KATNA1: variants seen among roughly 807,000 people sequenced by gnomAD.
KATNA1 encodes the protein katanin catalytic subunit A1.
KATNA1 carries 42 observed loss-of-function variants against 62.6 expected under a neutral mutation model. The ratio of observed to expected loss-of-function variants is 0.67; its 90% CI spans 0.52 to 0.87. The LOEUF is 0.87. Among genes scored for constraint, KATNA1 ranks in the 40% least tolerant of loss-of-function variants. The pLI is 0.00. For synonymous variants in KATNA1, 186 were observed against 201.9 expected (o/e 0.92, Z 0.67); for missense variants, 498 against 612.5 (o/e 0.81, Z 1.97).
intron 6 of KATNA1, among the ~76,000 whole-genome samples, chr6:149,602,368 AAAAC>A (rs937483574): frequency 2.5e-4 from 38 of 152,318 alleles, no homozygotes; most frequent in Middle Eastern, 3.4e-3. Context: ...ATCTCAAAAC[AAAAC>A]AAACAAAATA....
rs575769638 is a variant in KATNA1, at chr6:149,627,301, G to C, written c.321-4018C>G. Among the ~76,000 whole-genome samples, 22 of 151,916 alleles carry C rather than the reference G, an allele frequency of 1.4e-4. No individual in the cohort carries two copies. The East Asian group carries it at 3.1e-3, about 21-fold the overall frequency. ...CCCAGTACTTTGGGAGGCCAAGGCA[G>C]GTGGATCACTTGAGGTCAGGAGTTC... is the stretch of plus-strand genomic sequence containing the variant. On this transcript the variant is annotated intron_variant, in intron 3 of 10. Transcript: ENST00000367411.
rs1240088720 is a variant in KATNA1, at chr6:149,615,207, AT to A, written c.501+7895del. On this transcript the variant is annotated intron_variant, in intron 4 of 10. Coordinates refer to ENST00000367411, the MANE Select transcript of KATNA1 (RefSeq NM_007044.4). ...TGTAGAAAATTATTTTTTTGTTTTGATTTTTTTTTTTTTTGAGATGGAGTTT... is the reference window on the plus strand; with the variant it reads ...TGTAGAAAATTATTTTTTTGTTTTGATTTTTTTTTTTTTGAGATGGAGTTT... 5.6e-3 allele frequency among the ~76,000 whole-genome samples: 732 copies of A among 131,828 alleles called. 7 individuals are homozygous for A. The highest frequency in any genetic ancestry group is 0.015 in the African/African-American group (557 of 36,326). The allele number at this position is 131,828 out of a possible 152,430, so 86.5% of individuals were successfully genotyped here.
chr6:149,645,310 G>A (rs945849077), intron 1 of KATNA1, among the ~76,000 whole-genome samples: 2 of 152,096 alleles, frequency 1.3e-5, no homozygotes, highest in East Asian at 3.8e-4. Context: ...GGGCGTGGTG[G>A]CCAGCGCCTG....
rs144166984 is a variant in KATNA1 at position 149,638,473 on chromosome 6, C to T, written c.75G>A (p.Ala25=). 1.1e-5 allele frequency: 17 copies of T among 1,613,252 alleles called. No individual in the cohort carries two copies. Among genetic ancestry groups the T allele is most frequent in the East Asian group, 6.7e-5 (3 of 44,880 alleles). The change falls in exon 2 of 11, where the codon GCG becomes GCA. Residue 25 remains alanine (A), a synonymous_variant. Coordinates refer to ENST00000367411, the MANE Select transcript of KATNA1 (RefSeq NM_007044.4). The part of the protein sequence containing the change: ...EYALLGNYDS[A]MVYYQGVLDQ... ...CAAGAACTCCCTGATAATAGACCAT[C>T]GCAGAGTCATAGTTTCCCAGCAATG...
intron 2 of KATNA1, among the ~76,000 whole-genome samples, chr6:149,635,428 A>ATT: frequency 6.6e-6 from 1 of 152,252 alleles, no homozygotes; most frequent in Non-Finnish European, 1.5e-5. Flanking sequence ...GGCCAAGGCC[A>ATT]AGTGCAGTGG....
chr6:149,642,587 T>C (rs1018888850), intron 1 of KATNA1, among the ~76,000 whole-genome samples: 5 of 152,150 alleles, frequency 3.3e-5, no homozygotes, highest in Non-Finnish European at 7.3e-5. Flanking sequence ...TGGTACCATG[T>C]AGCAGACAGA....
At chr6:149,626,716 G>T (rs1779623808) in intron 3 of KATNA1, among the ~76,000 whole-genome samples, 1 of 151,432 alleles carries the variant, frequency 6.6e-6, no homozygotes, top group South Asian at 2.1e-4. Flanking sequence ...GGACGCAGTG[G>T]CTCACGCCTG....
At chr6:149,600,753 C>G (rs572661928) in intron 7 of KATNA1, among the ~76,000 whole-genome samples, 2 of 139,328 alleles carry the variant, frequency 1.4e-5, no homozygotes, top group East Asian at 2.1e-4. Flanking sequence ...CTGGGCAACA[C>G]AGCAAGACCC....
At chr6:149,621,518 A>G (rs1562291993) in intron 4 of KATNA1, among the ~76,000 whole-genome samples, 1 of 150,080 alleles carries the variant, frequency 6.7e-6, no homozygotes, top group East Asian at 2.0e-4. Context: ...TTTGAGACTG[A>G]GTCTCGCTCT....
intron 4 of KATNA1, among the ~76,000 whole-genome samples, chr6:149,619,034 A>G (rs1196761207): frequency 6.6e-6 from 1 of 152,212 alleles, no homozygotes; most frequent in African/African-American, 2.4e-5. Context: ...AAAAGAATAA[A>G]GAGGCAACCT....
At chr6:149,620,452 G>A (rs889041411) in intron 4 of KATNA1, among the ~76,000 whole-genome samples, 7 of 151,986 alleles carry the variant, frequency 4.6e-5, no homozygotes, top group Non-Finnish European at 8.8e-5. Context: ...CCACCACCCC[G>A]GCTAATTTTT....
At chr6:149,633,448 C>A (rs1779933915) in intron 2 of KATNA1, among the ~76,000 whole-genome samples, 1 of 151,994 alleles carries the variant, frequency 6.6e-6, no homozygotes. Flanking sequence ...ATTAAAACAT[C>A]CAGGATAGGA....
rs369384760 is a variant in KATNA1, at chr6:149,623,146, C to G, written c.458G>C (p.Arg153Pro). 1.9e-6 allele frequency: 3 copies of G among 1,608,880 alleles called. No homozygotes were observed. The highest frequency in any genetic ancestry group is 2.5e-6 in the Non-Finnish European group (3 of 1,178,664). Residue 153 changes from arginine (R) to proline (P), a missense_variant, in exon 4 of 11, where the codon CGT becomes CCT. Arg to Pro is a moderately radical substitution (Grantham distance 103, BLOSUM62 -2). This residue lies in a region of KATNA1 where 203 missense variants were observed against 198.4 expected (regional missense o/e 1.02). Coordinates refer to ENST00000367411, the MANE Select transcript of KATNA1 (RefSeq NM_007044.4). ...ATTCTGTTCTTTCTTTTCACGACAACGAACAGCTTTCCCTCTGTCATTGTG... is the reference window on the plus strand; with the variant it reads ...ATTCTGTTCTTTCTTTTCACGACAAGGAACAGCTTTCCCTCTGTCATTGTG... Reference protein sequence around the residue: ...NVHNDRGKAVRCREKKEQNKG... With the variant: ...NVHNDRGKAVPCREKKEQNKG...
intron 1 of KATNA1, among the ~76,000 whole-genome samples, chr6:149,639,046 A>C (rs1780185522): frequency 6.6e-6 from 1 of 151,788 alleles, no homozygotes; most frequent in African/African-American, 2.4e-5. Context: ...GCCTCAAAGA[A>C]ATATTTTATT....
chr6:149,632,680 C>T, intron 3 of KATNA1, 79 bp downstream of exon 3: 3 of 1,217,068 alleles, frequency 2.5e-6, no homozygotes, highest in Non-Finnish European at 2.2e-6. Context: ...TGTCTCTCAG[C>T]CACCCCATCC....
intron 8 of KATNA1, among the ~76,000 whole-genome samples, chr6:149,597,893 T>G (rs955748619): frequency 2.0e-5 from 3 of 152,194 alleles, no homozygotes; most frequent in Non-Finnish European, 2.9e-5. Flanking sequence ...CATAACAATT[T>G]TAAATCTTTT....
chr6:149,595,347 TAC>T, intron 10 of KATNA1, 113 bp from the exon 11 acceptor site: 1 of 684,560 alleles, frequency 1.5e-6, no homozygotes, highest in Non-Finnish European at 2.4e-6. Flanking sequence ...CTAATTATAT[TAC>T]ATATATATGT....
At chr6:149,605,443 A>G (rs766668315) in intron 4 of KATNA1, among the ~76,000 whole-genome samples, 2 of 152,194 alleles carry the variant, frequency 1.3e-5, no homozygotes, top group South Asian at 2.1e-4. Context: ...CTATGGCTCA[A>G]TCTTTAAACA....
In KATNA1 at chr6:149,635,709, A is replaced by AAAAC. The variant is rs903906617; in HGVS notation, c.162+2673_162+2676dup. Among the ~76,000 whole-genome samples the AAAAC allele has an allele frequency of 2.0e-5, 3 of 149,768 alleles. No homozygotes were observed. The South Asian group carries it at 6.3e-4, about 32-fold the overall frequency. Reference sequence around the variant, plus strand: ...GGGCAACAGAGTGAGACTCCGTCTCAAAACAAACAAACAAACAAAAAACAG... The same window carrying AAAAC: ...GGGCAACAGAGTGAGACTCCGTCTCAAAACAAACAAACAAACAAACAAAAAACAG... On this transcript the variant is annotated intron_variant, in intron 2 of 10. Coordinates refer to ENST00000367411, the MANE Select transcript of KATNA1 (RefSeq NM_007044.4).
Sources: allele counts gnomAD v4.1 joint callset (sites outside exome capture counted in the v4.1 genomes callset), GRCh38; gene constraint gnomAD v4.1.1; regional missense constraint gnomAD v4.1.1; transcripts MANE v1.5; gene names NCBI Gene and HGNC (gene_info 2026-07-23, HGNC 2026-07-21).